Variants in WNK1 observed in about 807,000 individuals in gnomAD.
WNK1 encodes WNK lysine deficient protein kinase 1.
In WNK1, 38 loss-of-function variants were observed where a neutral mutation model predicts 222.8. The ratio of observed to expected loss-of-function variants is 0.17; its 90% confidence interval spans 0.13 to 0.22. The LOEUF is 0.22. Among genes scored for constraint, WNK1 ranks in the 10% least tolerant of loss-of-function variants. The pLI is 1.00. For synonymous variants in WNK1, 1,090 were observed against 1,092.9 expected (o/e 1.00, Z 0.05); for missense variants, 2,348 against 2,918.4 (o/e 0.80, Z 4.50).
At chr12:790,263 T>G (rs1345868752) in intron 1 of WNK1, among the ~76,000 whole-genome samples, 1 of 152,158 alleles carries the variant, frequency 6.6e-6, no homozygotes, top group Non-Finnish European at 1.5e-5. Flanking sequence ...GTTTTTATTT[T>G]TTATTACATT....
At chr12:854,029 C>G (rs4980972) in intron 4 of WNK1, among the ~76,000 whole-genome samples, 114,044 of 151,818 alleles carry the variant, frequency 0.75, 42,951 homozygotes, top group East Asian at 0.88. Flanking sequence ...GGGACTACAG[C>G]TTTGAGCCAC....
intron 1 of WNK1, among the ~76,000 whole-genome samples, chr12:767,543 G>A (rs1050660043): frequency 1.3e-5 from 2 of 152,086 alleles, no homozygotes; most frequent in Middle Eastern, 3.4e-3. Flanking sequence ...GACCCACCAC[G>A]CCTGGCCGGG....
chr12:901,583 A>T (rs1955264800), intron 26 of WNK1: 1 of 1,288,988 alleles, frequency 7.8e-7, no homozygotes, highest in Admixed American at 2.3e-5. Flanking sequence ...TTAACTGTGC[A>T]TCTGAACAGG....
At position 753,598 on chromosome 12, in the gene WNK1, C is replaced by T. The variant is rs776535900; in HGVS notation, c.33C>T (p.Ser11=). The stretch of plus-strand genomic sequence containing the variant: ...GCGGCGCCGCAGAGAAGCAGAGCAG[C>T]ACTCCCGGTTCCCTGTTCCTCTCGC... MSGGAAEKQS[S]TPGSLFLSPP... The change falls in exon 1 of 28, where the codon AGC becomes AGT. Residue 11 remains serine (S), a synonymous_variant. Coordinates refer to ENST00000315939, the MANE Select transcript of WNK1 (RefSeq NM_018979.4). The surrounding 1 kb of genome is among the most constrained non-coding windows in gnomAD (Gnocchi z 5.2). The T allele has an allele frequency of 1.9e-5, 30 of 1,612,616 alleles. No homozygotes were observed. The highest frequency in any genetic ancestry group is 2.2e-5 in the Non-Finnish European group (26 of 1,179,942).
intron 4 of WNK1, among the ~76,000 whole-genome samples, chr12:836,271 T>C (rs1949172852): frequency 6.6e-6 from 1 of 152,212 alleles, no homozygotes; most frequent in African/African-American, 2.4e-5. Flanking sequence ...AACAGGTGTT[T>C]CTGTTATGTG....
At chr12:878,523 T>C (rs568011437) in intron 10 of WNK1, among the ~76,000 whole-genome samples, 162 bp downstream of exon 10, 1 of 152,268 alleles carries the variant, frequency 6.6e-6, no homozygotes, top group Admixed American at 6.5e-5. Flanking sequence ...AGAAATGAAG[T>C]GAAGATCACC....
In WNK1 at chr12:753,485, C is replaced by T. The variant is rs1939491446; in HGVS notation, c.-81C>T. 5.0e-6 allele frequency: 8 copies of T among 1,590,454 alleles called. No homozygotes were observed. The highest frequency in any genetic ancestry group is 4.5e-5 in the South Asian group (4 of 88,648). On this transcript the variant is annotated 5_prime_UTR_variant, in exon 1 of 28. Coordinates refer to ENST00000315939, the MANE Select transcript of WNK1 (RefSeq NM_018979.4). The surrounding 1 kb of genome is among the most constrained non-coding windows in gnomAD (Gnocchi z 5.2). The stretch of plus-strand genomic sequence containing the variant: ...CCGCCCGGCCGCGGTTCCCTGCAGA[C>T]CTCTGCGCGGGCGGCTCGGCCCTTC...
At chr12:888,009 C>T (rs1451080718) in intron 20 of WNK1, among the ~76,000 whole-genome samples, 5 of 152,182 alleles carry the variant, frequency 3.3e-5, no homozygotes, top group South Asian at 2.1e-4. Flanking sequence ...TCTTTCCCAC[C>T]GCAGTCCACC....
At position 887,248 on chromosome 12, in the gene WNK1, G is replaced by T. The variant is rs1193657427; in HGVS notation, c.5308G>T (p.Ala1770Ser). Reference protein sequence around the residue: ...PVLPVGTELPAGTLPSEQLPP... With the variant: ...PVLPVGTELPSGTLPSEQLPP... ...GCTGCCAGTGGGTACTGAACTTCCA[G>T]CAGGTACTCTACCCAGCGAGCAGCT... Residue 1770 changes from alanine to serine, a missense_variant, in exon 20 of 28, where the codon GCA (alanine) becomes TCA (serine). Physicochemically the swap from Ala to Ser is moderately conservative, Grantham distance 99. Around this residue, in one of 13 missense-constraint regions of WNK1, gnomAD observed 1,144 missense variants for 1,273.6 expected, o/e 0.90. Transcript: ENST00000315939. 2 of 1,614,170 alleles carry T rather than the reference G, an allele frequency of 1.2e-6. No individual in the cohort carries two copies. Among genetic ancestry groups the T allele is most frequent in the African/African-American group, 1.3e-5 (1 of 75,046 alleles).
At chr12:858,425 G>A (rs1044446175) in intron 5 of WNK1, among the ~76,000 whole-genome samples, 3 of 152,084 alleles carry the variant, frequency 2.0e-5, no homozygotes, top group African/African-American at 7.2e-5. Flanking sequence ...CCTGACCTGA[G>A]GTGAACCACC....
At chr12:878,759 T>C (rs1245348495) in intron 10 of WNK1, among the ~76,000 whole-genome samples, 1 of 151,876 alleles carries the variant, frequency 6.6e-6, no homozygotes, top group African/African-American at 2.4e-5. Flanking sequence ...TTCATGTAGA[T>C]TTCTGCACTG....
chr12:785,980 A>G (rs1944267806), intron 1 of WNK1, among the ~76,000 whole-genome samples: 1 of 152,074 alleles, frequency 6.6e-6, no homozygotes, highest in African/African-American at 2.4e-5. Context: ...CATTTATGCT[A>G]CTCAGATCCC....
intron 1 of WNK1, among the ~76,000 whole-genome samples, chr12:806,107 T>C (rs1178919919): frequency 6.6e-6 from 1 of 152,210 alleles, no homozygotes; most frequent in Non-Finnish European, 1.5e-5. Context: ...TCTTAATTTG[T>C]GTAATTATTT....
At chr12:792,001 A>G (rs552113750) in intron 1 of WNK1, among the ~76,000 whole-genome samples, 2 of 152,280 alleles carry the variant, frequency 1.3e-5, no homozygotes, top group East Asian at 3.9e-4. Context: ...TTCCCAGTAC[A>G]CCAAACTGTT....
intron 8 of WNK1, 63 bp from the exon 9 acceptor site, chr12:871,202 C>G (rs556809120): frequency 1.6e-5 from 23 of 1,461,008 alleles, no homozygotes; most frequent in Non-Finnish European, 2.2e-5. Context: ...ATTGCAAAAG[C>G]CTGACCTCTA....
chr12:848,229 T>C (rs1342060930), intron 4 of WNK1, among the ~76,000 whole-genome samples: 1 of 152,186 alleles, frequency 6.6e-6, no homozygotes, highest in African/African-American at 2.4e-5. Context: ...TGTGGAGAAC[T>C]ATTAACCGTT....
At chr12:852,848 T>TC (rs1218151710) in intron 4 of WNK1, among the ~76,000 whole-genome samples, 1 of 152,218 alleles carries the variant, frequency 6.6e-6, no homozygotes, top group Non-Finnish European at 1.5e-5. Context: ...AGATGACTTT[T>TC]CTGTGGGTCA....
At chr12:762,481 T>C (rs1285600884) in intron 1 of WNK1, among the ~76,000 whole-genome samples, 2 of 147,826 alleles carry the variant, frequency 1.4e-5, no homozygotes, top group South Asian at 4.4e-4. Flanking sequence ...TATTGTTTTT[T>C]CCCCCAATAT....
At chr12:818,034 TATC>T (rs952907368) in intron 2 of WNK1, among the ~76,000 whole-genome samples, 6 of 152,198 alleles carry the variant, frequency 3.9e-5, no homozygotes, top group African/African-American at 1.2e-4. Flanking sequence ...GAAATTCAAA[TATC>T]ATACAATTAA....
Sources: gnomAD v4.1 joint callset for allele counts (sites outside exome capture counted in the v4.1 genomes callset) on GRCh38, gnomAD v4.1.1 for gene constraint, gnomAD v4.1.1 regional missense constraint, Gnocchi (gnomAD v3.1) non-coding constraint, MANE v1.5 for transcripts, NCBI Gene and HGNC (gene_info 2026-07-23, HGNC 2026-07-21) for gene names.